MAP2K6: variants seen among roughly 807,000 people sequenced by gnomAD.
The protein encoded by MAP2K6 is dual specificity mitogen-activated protein kinase kinase 6.
A neutral mutation model predicts 53.7 loss-of-function variants in MAP2K6; 16 were observed. That is an observed-to-expected ratio of 0.30 (90% confidence interval 0.20 to 0.45). The LOEUF is 0.45. Ranked by LOEUF, MAP2K6 falls within the 20% of genes least tolerant of loss-of-function variation. The probability of loss-of-function intolerance (pLI) is 1.00; values close to 1 mark genes in which losing one functional copy is unlikely to be tolerated. For missense variants in MAP2K6, 204 were observed against 411.9 expected, an observed-to-expected ratio of 0.50 and a Z score of 4.37; for synonymous variants, 132 against 143.1, an observed-to-expected ratio of 0.92 and a Z score of 0.55.
chr17:69,500,478 C>T lies in MAP2K6; in HGVS notation c.17-5302C>T, dbSNP rs555102913. ...AAAAAAAAAAAAAAAAAAAAAAGGC[C>T]GGCCATGGTGGCTCACGCCTATAAT... On this transcript the variant is annotated intron_variant, in intron 1 of 11. Transcript: ENST00000590474. Among the ~76,000 whole-genome samples, 559 of 111,920 alleles carry T rather than the reference C, an allele frequency of 5.0e-3. 14 individuals carry two copies. Among genetic ancestry groups the T allele is most frequent in the African/African-American group, 0.017 (522 of 30,696 alleles). The allele number at this position is 111,920 out of a possible 152,430, so 73.4% of individuals were successfully genotyped here. A position where few individuals can be genotyped will look rare whatever the true frequency, so the allele number is the denominator to read the frequency against.
chr17:69,540,578 G>A (rs1400567640), intron 11 of MAP2K6, among the ~76,000 whole-genome samples: 5 of 152,188 alleles, frequency 3.3e-5, no homozygotes, highest in Non-Finnish European at 5.9e-5. Flanking sequence ...CAGAGAAAAT[G>A]GCTTCCTGCT....
intron 1 of MAP2K6, among the ~76,000 whole-genome samples, chr17:69,495,979 A>G (rs1167035334): frequency 6.6e-6 from 1 of 152,162 alleles, no homozygotes; most frequent in Non-Finnish European, 1.5e-5. Flanking sequence ...CCCTGGGCCT[A>G]GAACATAACT....
At chr17:69,486,738 G>A (rs1598285161) in intron 1 of MAP2K6, among the ~76,000 whole-genome samples, 1 of 151,874 alleles carries the variant, frequency 6.6e-6, no homozygotes, top group South Asian at 2.1e-4. Flanking sequence ...GTAGGGAATA[G>A]GCTTTTCAAT....
intron 1 of MAP2K6, among the ~76,000 whole-genome samples, chr17:69,482,070 C>T (rs1341888617): frequency 6.6e-6 from 1 of 152,092 alleles, no homozygotes; most frequent in Non-Finnish European, 1.5e-5. Flanking sequence ...GCTGTATAAA[C>T]TGTAAAGTTA....
chr17:69,428,652 G>A (rs572528215), intron 1 of MAP2K6, among the ~76,000 whole-genome samples: 161 of 152,268 alleles, frequency 1.1e-3, no homozygotes, highest in Non-Finnish European at 2.0e-3. Context: ...ATGCACGTAA[G>A]TTCTGGTATA....
At chr17:69,469,087 T>C (rs1907904894) in intron 1 of MAP2K6, among the ~76,000 whole-genome samples, 1 of 152,180 alleles carries the variant, frequency 6.6e-6, no homozygotes, top group African/African-American at 2.4e-5. Flanking sequence ...GACCCCACTT[T>C]CTTGTAATTG....
At chr17:69,430,526 T>C (rs114629132) in intron 1 of MAP2K6, among the ~76,000 whole-genome samples, 2,621 of 152,318 alleles carry the variant, frequency 0.017, 78 homozygotes, top group African/African-American at 0.06. Flanking sequence ...TCTTTGTTCA[T>C]CTAGCTATTA....
chr17:69,415,163 A>G (rs1230321551), intron 1 of MAP2K6, among the ~76,000 whole-genome samples, 163 bp downstream of exon 1: 1 of 148,068 alleles, frequency 6.8e-6, no homozygotes, highest in African/African-American at 2.4e-5. Context: ...GCAGACACAG[A>G]GAGTTCCTGT....
chr17:69,535,666 C>A (rs1321133323), intron 10 of MAP2K6, among the ~76,000 whole-genome samples: 1 of 152,082 alleles, frequency 6.6e-6, no homozygotes, highest in Non-Finnish European at 1.5e-5. Flanking sequence ...TATATAAAAG[C>A]AAATTATACA....
Position 69,414,925 on chromosome 17 carries a change from C to CTT in MAP2K6, c.-60_-59insTT. On this transcript the variant is annotated 5_prime_UTR_variant, in exon 1 of 12. Transcript: ENST00000590474. ...TGCATCTTTGTTGCAAAACTAGCTA[C>CTT]AGAAGAGAAGCAAGGCAAAGTCTTT... The CTT allele has an allele frequency of 6.7e-7, 1 of 1,489,430 alleles. No individual in the cohort carries two copies. Among genetic ancestry groups the CTT allele is most frequent in the Non-Finnish European group, 9.3e-7 (1 of 1,070,944 alleles). 92.3% of individuals were successfully genotyped at this position (1,489,430 alleles called of 1,614,324 possible).
chr17:69,542,796 A>G lies in MAP2K6; in HGVS notation c.*1043A>G, dbSNP rs553221329. On this transcript the variant is annotated 3_prime_UTR_variant, in exon 12 of 12. Coordinates refer to ENST00000590474, the MANE Select transcript of MAP2K6 (RefSeq NM_002758.4). ...GTTGTAAGGATTGCCTTTGTAGTTA[A>G]TGTACTCTTTGGCTTTGTTTGTTTG... is the stretch of plus-strand genomic sequence containing the variant. 1 of 152,200 alleles carries G rather than the reference A, an allele frequency of 6.6e-6. No individual in the cohort carries two copies. Among genetic ancestry groups the G allele is most frequent in the East Asian group, 1.9e-4 (1 of 5,192 alleles). The allele number at this position is 152,200 out of a possible 1,614,324, so 9.4% of individuals were successfully genotyped here.
At position 69,516,770 on chromosome 17, in the gene MAP2K6, A is replaced by C. The variant is rs199592760; in HGVS notation, c.84-85A>C. 275 of 952,466 alleles carry C rather than the reference A, an allele frequency of 2.9e-4. 2 individuals carry two copies. The East Asian group carries it at 5.3e-3, about 18-fold the overall frequency. 59.0% of individuals were successfully genotyped at this position (952,466 alleles called of 1,614,324 possible). ...AACTTCCACTTTCTTCTTAAGGAAA[A>C]AATATCCTCAGTGGTGTGTGATTTG... is the stretch of plus-strand genomic sequence containing the variant. On this transcript the variant is annotated intron_variant, in intron 2 of 11. Coordinates refer to ENST00000590474, the MANE Select transcript of MAP2K6 (RefSeq NM_002758.4).
chr17:69,517,323 C>T (rs778836317), intron 3 of MAP2K6, among the ~76,000 whole-genome samples, 177 bp from the exon 4 acceptor site: 1 of 152,216 alleles, frequency 6.6e-6, no homozygotes, highest in East Asian at 1.9e-4. Context: ...AGCTCCTAGA[C>T]ATCTCTTGGC....
At chr17:69,526,422 TA>T in intron 9 of MAP2K6, 147 bp from the exon 10 acceptor site, 1 of 771,532 alleles carries the variant, frequency 1.3e-6, no homozygotes, top group South Asian at 1.8e-5. Flanking sequence ...GAGAACAAAT[TA>T]TTAGTTTATT....
chr17:69,521,825 A>C (rs931075172), intron 7 of MAP2K6: 8 of 150,936 alleles, frequency 5.3e-5, no homozygotes, highest in South Asian at 4.2e-4. Flanking sequence ...AAAAAAAAAA[A>C]AAAAAAAACC....
At chr17:69,524,101 C>A (rs971390583) in intron 8 of MAP2K6, among the ~76,000 whole-genome samples, 15 of 152,178 alleles carry the variant, frequency 9.9e-5, no homozygotes, top group South Asian at 4.1e-4. Flanking sequence ...TCAATCACCC[C>A]CCAAAGGCCC....
At chr17:69,420,243 C>G (rs1347694122) in intron 1 of MAP2K6, among the ~76,000 whole-genome samples, 1 of 152,118 alleles carries the variant, frequency 6.6e-6, no homozygotes, top group African/African-American at 2.4e-5. Flanking sequence ...TCTTTTCAGG[C>G]AAAATTAGTT....
intron 4 of MAP2K6, 61 bp from the exon 5 acceptor site, chr17:69,519,252 G>C: frequency 1.3e-6 from 2 of 1,562,270 alleles, no homozygotes; most frequent in Non-Finnish European, 8.7e-7. Context: ...GACTCCTTCA[G>C]GTCCCTGCCT....
intron 11 of MAP2K6, among the ~76,000 whole-genome samples, chr17:69,540,201 A>T (rs1911548129): frequency 6.6e-6 from 1 of 152,222 alleles, no homozygotes; most frequent in African/African-American, 2.4e-5. Flanking sequence ...TTTAAAACAA[A>T]TATAATTAGA....
Sources: allele counts gnomAD v4.1 joint callset (sites outside exome capture counted in the v4.1 genomes callset), GRCh38; gene constraint gnomAD v4.1.1; transcripts MANE v1.5; gene names NCBI Gene and HGNC (gene_info 2026-07-23, HGNC 2026-07-21).